Variants in KCNMA1 observed in about 807,000 individuals in gnomAD.
KCNMA1 encodes potassium calcium-activated channel subfamily M alpha 1.
In KCNMA1, 29 loss-of-function variants were observed where a neutral mutation model predicts 140.0. That is an observed-to-expected ratio of 0.21 (90% CI 0.15 to 0.28). The LOEUF (loss-of-function observed/expected upper bound fraction) is 0.28, where lower values mean the gene tolerates loss of function less well. KCNMA1 is among the 10% of genes least tolerant of loss of function. The pLI is 1.00. For synonymous variants in KCNMA1, 612 were observed against 611.9 expected, an observed-to-expected ratio of 1.00 and a Z score of 0.00; for missense variants, 880 against 1,602.2, an observed-to-expected ratio of 0.55 and a Z score of 7.70.
In KCNMA1 at chr10:76,887,288, T is replaced by C. The variant is rs1238928759; in HGVS notation, c.3689A>G (p.Tyr1230Cys). ...ATATCAAAGCCGCTCTTCCTGCACG[T>C]ACTTCTGTTTGTCCCGGGACTCCCT... The part of the protein sequence containing the change: ...KSRESRDKQK[Y>C]VQEERL The change falls in exon 28 of 28, where the codon TAC (tyrosine) becomes TGC (cysteine). Residue 1230 changes from tyrosine (Y) to cysteine (C), a missense_variant. Around this residue, in one of 13 missense-constraint regions of KCNMA1, gnomAD observed 115 missense variants for 139.9 expected, o/e 0.82. Transcript: ENST00000286628. 1 of 1,614,116 alleles carries C rather than the reference T, an allele frequency of 6.2e-7. No individual in the cohort carries two copies. Among genetic ancestry groups the C allele is most frequent in the Non-Finnish European group, 8.5e-7 (1 of 1,180,016 alleles).
intron 1 of KCNMA1, among the ~76,000 whole-genome samples, chr10:77,602,209 G>A (rs142637761): frequency 3.3e-5 from 5 of 152,296 alleles, no homozygotes; most frequent in South Asian, 2.1e-4. Context: ...ACGGGGATGC[G>A]CTTGTGATAA....
chr10:77,286,312 G>A (rs1188240827), intron 2 of KCNMA1, among the ~76,000 whole-genome samples: 9 of 152,146 alleles, frequency 5.9e-5, no homozygotes, highest in Admixed American at 6.5e-5. Context: ...GCCTGAGAGC[G>A]GAGGCTGATT....
At chr10:76,905,668 G>T (rs148929215) in intron 25 of KCNMA1, among the ~76,000 whole-genome samples, 1 of 152,058 alleles carries the variant, frequency 6.6e-6, no homozygotes, top group Non-Finnish European at 1.5e-5. Context: ...TACCTCCTAG[G>T]ATAATTTTAC....
At chr10:77,019,614 G>A (rs923102117) in intron 16 of KCNMA1, 3 of 154,100 alleles carry the variant, frequency 1.9e-5, no homozygotes, top group South Asian at 4.1e-4. Flanking sequence ...TAACCAATGC[G>A]GAAGCAAGCT....
chr10:77,380,583 G>A (rs1032530095), intron 2 of KCNMA1, among the ~76,000 whole-genome samples: 12 of 152,146 alleles, frequency 7.9e-5, no homozygotes, highest in African/African-American at 2.9e-4. Context: ...GGCAGAAAAT[G>A]TTAATCCTTC....
chr10:77,340,445 C>G (rs568466834), intron 2 of KCNMA1, among the ~76,000 whole-genome samples: 1 of 152,048 alleles, frequency 6.6e-6, no homozygotes, highest in Admixed American at 6.6e-5. Flanking sequence ...CACAATAGCA[C>G]GGACTTGGAA....
intron 5 of KCNMA1, among the ~76,000 whole-genome samples, chr10:77,131,083 A>C (rs1460234308): frequency 1.3e-5 from 2 of 152,204 alleles, no homozygotes; most frequent in East Asian, 3.9e-4. Context: ...TGGGGTGCCA[A>C]ACAGGAGTAG....
chr10:77,330,700 TG>T (rs2086061287), intron 2 of KCNMA1, among the ~76,000 whole-genome samples: 1 of 152,130 alleles, frequency 6.6e-6, no homozygotes, highest in Non-Finnish European at 1.5e-5. Context: ...TATCAGTGAA[TG>T]GCAAAATCAG....
intron 2 of KCNMA1, chr10:77,373,687 A>G (rs887641325): frequency 1.3e-5 from 2 of 152,130 alleles, no homozygotes; most frequent in Non-Finnish European, 2.9e-5. Flanking sequence ...CTGGTCATCC[A>G]TGTTTCCAGT....
rs751901610 is a variant in KCNMA1 at position 77,637,487 on chromosome 10, GGAAGAAGAA to G, written c.147_155del (p.Ser58_Ser60del). 6.2e-7 allele frequency: 1 copy of G among 1,600,914 alleles called. No individual in the cohort carries two copies. Among genetic ancestry groups the G allele is most frequent in the Non-Finnish European group, 8.5e-7 (1 of 1,171,892 alleles). On this transcript the variant is annotated inframe_deletion, in exon 1 of 28. Transcript: ENST00000286628. Reference sequence around the variant, plus strand: ...CCGAGGACGAGGAGGAAGAGGAGGAGGAAGAAGAAGAAGAGGAAGAGGAGGAGGAGGAGG... The same window carrying G: ...CCGAGGACGAGGAGGAAGAGGAGGAGGAAGAGGAAGAGGAGGAGGAGGAGG...
intron 3 of KCNMA1, among the ~76,000 whole-genome samples, chr10:77,214,706 C>A (rs1161844421): frequency 6.6e-6 from 1 of 152,174 alleles, no homozygotes; most frequent in African/African-American, 2.4e-5. Flanking sequence ...ACCCTAGACC[C>A]TTACCTTCCC....
chr10:77,503,722 C>T (rs1272681109), intron 1 of KCNMA1, among the ~76,000 whole-genome samples: 2 of 152,132 alleles, frequency 1.3e-5, no homozygotes, highest in Non-Finnish European at 2.9e-5. Flanking sequence ...AAGCCTCTGC[C>T]CTCATGGATC....
intron 1 of KCNMA1, among the ~76,000 whole-genome samples, chr10:77,436,511 T>G (rs1043333760): frequency 6.6e-6 from 1 of 152,206 alleles, no homozygotes; most frequent in Non-Finnish European, 1.5e-5. Context: ...CTCTGCACCA[T>G]TGGTTCGCCA....
At chr10:77,324,971 C>CTCTCTCTCTCTCTGTGTGTGTGTG (rs766240356) in intron 2 of KCNMA1, among the ~76,000 whole-genome samples, 4 of 90,372 alleles carry the variant, frequency 4.4e-5, no homozygotes, top group Admixed American at 1.2e-4. Flanking sequence ...CTCTCTCTCT[C>CTCTCTCTCTCTCTGTGTGTGTGTG]TGTGTGTGTG....
At chr10:77,018,490 A>G (rs1036884898) in intron 17 of KCNMA1, among the ~76,000 whole-genome samples, 28 of 152,218 alleles carry the variant, frequency 1.8e-4, no homozygotes, top group African/African-American at 5.8e-4. Context: ...CCTGTGCTGC[A>G]CTTACAGTGG....
chr10:77,515,214 G>T (rs974155945), intron 1 of KCNMA1, among the ~76,000 whole-genome samples: 2 of 152,108 alleles, frequency 1.3e-5, no homozygotes, highest in African/African-American at 4.8e-5. Flanking sequence ...CCGGGGGATG[G>T]GGGGGAAAGG....
chr10:77,001,288 T>A, intron 19 of KCNMA1, 119 bp downstream of exon 19: 2 of 904,370 alleles, frequency 2.2e-6, no homozygotes, highest in East Asian at 2.7e-5. Context: ...CACACAGGAG[T>A]TCACACTGGG....
chr10:77,028,540 A>C (rs1407498487), intron 15 of KCNMA1, among the ~76,000 whole-genome samples: 1 of 151,600 alleles, frequency 6.6e-6, no homozygotes, highest in Non-Finnish European at 1.5e-5. Flanking sequence ...TCTCTTCCCA[A>C]CCCATCCTCA....
intron 5 of KCNMA1, among the ~76,000 whole-genome samples, chr10:77,160,088 T>TA (rs1180038549): frequency 6.6e-6 from 1 of 151,406 alleles, no homozygotes; most frequent in African/African-American, 2.4e-5. Context: ...AGAAGGTCCC[T>TA]AACAGGGTAA....
Sources: gnomAD v4.1 joint callset for allele counts (sites outside exome capture counted in the v4.1 genomes callset) on GRCh38, gnomAD v4.1.1 for gene constraint, gnomAD v4.1.1 regional missense constraint, MANE v1.5 for transcripts, NCBI Gene and HGNC (gene_info 2026-07-23, HGNC 2026-07-21) for gene names.